The following REXO5 variants were observed in gnomAD, a reference collection of about 807,000 sequenced individuals.
REXO5 encodes RNA exonuclease 5.
In REXO5, 48 loss-of-function variants were observed where a neutral mutation model predicts 88.5. The ratio of observed to expected loss-of-function variants is 0.54; its 90% CI spans 0.43 to 0.69. REXO5 has a LOEUF of 0.69. Among genes scored for constraint, REXO5 ranks in the 30% least tolerant of loss-of-function variants. The pLI is 0.00. For missense variants in REXO5, 749 were observed against 912.2 expected (o/e 0.82, Z 2.30); for synonymous variants, 311 against 336.5 (o/e 0.92, Z 0.83).
At chr16:20,840,104 C>A in intron 14 of REXO5, 1 of 521,966 alleles carries the variant, frequency 1.9e-6, no homozygotes, top group Non-Finnish European at 3.3e-6. Context: ...TATCTTATTT[C>A]CCTTGTTTTT....
chr16:20,823,811 G>A (rs972285272), intron 6 of REXO5, among the ~76,000 whole-genome samples: 20 of 152,280 alleles, frequency 1.3e-4, no homozygotes, highest in African/African-American at 4.8e-4. Context: ...TGGACTCAGG[G>A]TTCACAAATA....
chr16:20,839,694 TCCAG>T, intron 13 of REXO5, 57 bp from the exon 14 acceptor site: 7 of 1,073,684 alleles, frequency 6.5e-6, no homozygotes, highest in Non-Finnish European at 9.6e-6. Context: ...GTGGCTCATA[TCCAG>T]GAGCCACAAT....
chr16:20,821,740 C>T lies in REXO5; in HGVS notation c.476-22C>T, dbSNP rs753987100. The T allele has an allele frequency of 1.7e-5, 27 of 1,551,602 alleles. No homozygotes were observed. The Admixed American group carries it at 2.6e-4, about 15-fold the overall frequency. On this transcript the variant is annotated intron_variant, in intron 5 of 19. Transcript: ENST00000261377. The stretch of plus-strand genomic sequence containing the variant: ...GTTCTTAAACACACATTCTAATATA[C>T]GTTCAATTGTTTTTCTTTCAGGGCC...
At chr16:20,816,773 G>A (rs907097939) in intron 5 of REXO5, among the ~76,000 whole-genome samples, 2 of 152,138 alleles carry the variant, frequency 1.3e-5, no homozygotes, top group Admixed American at 1.3e-4. Context: ...CACTGATGTT[G>A]GACTCTTATG....
chr16:20,823,699 C>T lies in REXO5; in HGVS notation c.617-740C>T, dbSNP rs191088995. 3.3e-5 allele frequency among the ~76,000 whole-genome samples: 5 copies of T among 152,242 alleles called. No individual in the cohort carries two copies. In the East Asian group the frequency reaches 9.6e-4, roughly 29 times the overall value. On this transcript the variant is annotated intron_variant, in intron 6 of 19. Transcript: ENST00000261377. ...ATAGCCCCCTTTGTTCCGTGTCAAACAAGATTTAGATGTTACCTTTACTGC... is the reference window on the plus strand; with the variant it reads ...ATAGCCCCCTTTGTTCCGTGTCAAATAAGATTTAGATGTTACCTTTACTGC...
intron 15 of REXO5, among the ~76,000 whole-genome samples, chr16:20,842,958 C>A (rs2081553110): frequency 6.6e-6 from 1 of 152,120 alleles, no homozygotes; most frequent in South Asian, 2.1e-4. Flanking sequence ...ACATTCCTAC[C>A]AGCAAAGAAC....
intron 13 of REXO5, among the ~76,000 whole-genome samples, chr16:20,837,212 C>G (rs894294624): frequency 1.3e-5 from 2 of 152,138 alleles, no homozygotes; most frequent in African/African-American, 4.8e-5. Context: ...TAATGGCAAT[C>G]TAATTTTCTT....
chr16:20,807,324 A>T, intron 2 of REXO5: 1 of 531,418 alleles, frequency 1.9e-6, no homozygotes, highest in Non-Finnish European at 3.3e-6. Context: ...CATGCCTGTA[A>T]TTCCAGCACT....
chr16:20,824,339 G>A (rs1362688737), intron 6 of REXO5, 100 bp from the exon 7 acceptor site: 3 of 652,344 alleles, frequency 4.6e-6, no homozygotes, highest in Non-Finnish European at 5.4e-6. Flanking sequence ...CAACATATCT[G>A]ACTAAAATAT....
In REXO5 at chr16:20,827,215, A is replaced by C. The variant is rs200187140; in HGVS notation, c.960+19A>C. ...ACTGAAAGTGAGTATCTGATTTAGGACTTTGCATTTTCAGTATAAATGCCT... is the reference window on the plus strand; with the variant it reads ...ACTGAAAGTGAGTATCTGATTTAGGCCTTTGCATTTTCAGTATAAATGCCT... On this transcript the variant is annotated intron_variant, in intron 9 of 19. Transcript: ENST00000261377. 1 of 1,613,886 alleles carries C rather than the reference A, an allele frequency of 6.2e-7. No homozygotes were observed. Among genetic ancestry groups the C allele is most frequent in the Non-Finnish European group, 8.5e-7 (1 of 1,179,880 alleles).
At chr16:20,836,254 C>G (rs2081427891) in intron 13 of REXO5, among the ~76,000 whole-genome samples, 1 of 152,104 alleles carries the variant, frequency 6.6e-6, no homozygotes, top group South Asian at 2.1e-4. Context: ...TAGTATCATA[C>G]AGAATAGTTT....
rs746407447 is a variant in REXO5, at chr16:20,844,827, A to G, written c.1918A>G (p.Lys640Glu). The G allele has an allele frequency of 1.9e-6, 3 of 1,613,976 alleles. No homozygotes were observed. In the South Asian group the frequency reaches 3.3e-5, roughly 18 times the overall value. The change falls in exon 17 of 20, where the codon AAA (lysine) becomes GAA (glutamate). Residue 640 changes from lysine to glutamate, a missense_variant. Lys to Glu is a moderately conservative substitution (Grantham distance 56, BLOSUM62 1). Transcript: ENST00000261377. ...LPKDLKSGKQ[K>E]KYCFLKFKSF... ...TAAAGATCTTAAAAGTGGAAAGCAG[A>G]AAAAATACTGTTTCCTGAGTAAGTC...
At chr16:20,840,206 C>G (rs570157431) in intron 14 of REXO5, 125 bp from the exon 15 acceptor site, 1 of 793,230 alleles carries the variant, frequency 1.3e-6, no homozygotes, top group African/African-American at 1.7e-5. Flanking sequence ...CAGTGAACAT[C>G]CTTGGACATT....
intron 3 of REXO5, 142 bp from the exon 4 acceptor site, chr16:20,814,785 C>G (rs972984364): frequency 4.1e-6 from 3 of 734,492 alleles, no homozygotes; most frequent in Non-Finnish European, 6.2e-6. Flanking sequence ...TCTTCCAGTT[C>G]CAGGCAGACG....
chr16:20,811,325 G>A (rs1286743399), intron 2 of REXO5, among the ~76,000 whole-genome samples: 1 of 152,122 alleles, frequency 6.6e-6, no homozygotes, highest in Non-Finnish European at 1.5e-5. Context: ...TTTGAACCAG[G>A]AATTGATCCT....
intron 15 of REXO5, 59 bp downstream of exon 15, chr16:20,840,527 G>A: frequency 1.4e-6 from 2 of 1,415,354 alleles, no homozygotes; most frequent in Non-Finnish European, 1.9e-6. Context: ...TCAGGTGACT[G>A]CTTGGGCCAT....
intron 3 of REXO5, 73 bp downstream of exon 3, chr16:20,813,375 A>AG (rs34169933): frequency 0.66 from 506,275 of 763,512 alleles, 175,604 homozygotes; most frequent in Non-Finnish European, 0.72. Context: ...ACCTCTCCCA[A>AG]GCTCCATCAT....
chr16:20,832,080 G>T, intron 11 of REXO5, 76 bp from the exon 12 acceptor site: 3 of 1,012,852 alleles, frequency 3.0e-6, no homozygotes, highest in Non-Finnish European at 4.5e-6. Context: ...TGTTGTTGTT[G>T]CTTTTTGTTT....
At chr16:20,829,307 T>C (rs1269556960) in intron 11 of REXO5, among the ~76,000 whole-genome samples, 2 of 152,216 alleles carry the variant, frequency 1.3e-5, no homozygotes, top group African/African-American at 4.8e-5. Context: ...TAGTTAATAC[T>C]AATAATTATA....
Sources: allele counts gnomAD v4.1 joint callset (sites outside exome capture counted in the v4.1 genomes callset), GRCh38; gene constraint gnomAD v4.1.1; transcripts MANE v1.5; gene names NCBI Gene and HGNC (gene_info 2026-07-23, HGNC 2026-07-21).